LYPLA1: variants seen among roughly 807,000 people sequenced by gnomAD.
LYPLA1 encodes the protein acyl-protein thioesterase 1.
A neutral mutation model predicts 34.0 loss-of-function variants in LYPLA1; 17 were observed. That is an observed-to-expected ratio of 0.50 (90% CI 0.34 to 0.75). LYPLA1 has a LOEUF of 0.75. LYPLA1 is among the 30% of genes least tolerant of loss of function. The pLI is 0.01. For missense variants in LYPLA1, 203 were observed against 288.8 expected, an observed-to-expected ratio of 0.70 and a Z score of 2.15; for synonymous variants, 98 against 100.8, an observed-to-expected ratio of 0.97 and a Z score of 0.17.
chr8:54,077,280 G>T (rs1401737330), intron 2 of LYPLA1, among the ~76,000 whole-genome samples: 1 of 152,070 alleles, frequency 6.6e-6, no homozygotes, highest in East Asian at 1.9e-4. Flanking sequence ...TTGTAAGTAG[G>T]AGCTAAATAA....
chr8:54,065,940 G>C (rs1396399118), intron 2 of LYPLA1, 127 bp from the exon 3 acceptor site: 1 of 665,058 alleles, frequency 1.5e-6, no homozygotes, highest in African/African-American at 1.8e-5. Flanking sequence ...GTTTTTTTTT[G>C]TTTGTTTGTT....
intron 2 of LYPLA1, chr8:54,073,697 C>T (rs886906725): frequency 2.9e-5 from 10 of 345,908 alleles, no homozygotes; most frequent in South Asian, 1.5e-4. Flanking sequence ...ATAATGAATA[C>T]ATTTCCAAAA....
intron 8 of LYPLA1, 51 bp downstream of exon 8, chr8:54,050,961 A>T: frequency 6.6e-7 from 1 of 1,505,548 alleles, no homozygotes; most frequent in Non-Finnish European, 9.0e-7. Context: ...TGAAAATATC[A>T]CATGAAAAAA....
chr8:54,090,568 C>T lies in LYPLA1; in HGVS notation c.101+10340G>A, dbSNP rs1412998795. Among the ~76,000 whole-genome samples the T allele has an allele frequency of 2.0e-5, 3 of 152,194 alleles. No homozygotes were observed. The East Asian group carries it at 5.8e-4, about 29-fold the overall frequency. ...TAATCAAATGACCCTAAATCCCTCA[C>T]TAACCTACCCCCGCCCTCACTAAAC... is the stretch of plus-strand genomic sequence containing the variant. On this transcript the variant is annotated intron_variant, in intron 2 of 8. Coordinates refer to ENST00000316963, the MANE Select transcript of LYPLA1 (RefSeq NM_006330.4).
chr8:54,055,410 AT>A (rs1204403659), intron 5 of LYPLA1, among the ~76,000 whole-genome samples: 3 of 152,162 alleles, frequency 2.0e-5, no homozygotes, highest in Admixed American at 6.5e-5. Flanking sequence ...AACGGTCTCT[AT>A]AATGAAAACT....
At chr8:54,056,014 A>G (rs1806182826) in intron 5 of LYPLA1, among the ~76,000 whole-genome samples, 1 of 152,202 alleles carries the variant, frequency 6.6e-6, no homozygotes, top group African/African-American at 2.4e-5. Flanking sequence ...ATAAAACTAG[A>G]GGAATCACAT....
chr8:54,100,963 T>C lies in LYPLA1; in HGVS notation c.70-24A>G, dbSNP rs1350149734. 3.8e-6 allele frequency: 6 copies of C among 1,599,822 alleles called. No individual in the cohort carries two copies. In the Admixed American group the frequency reaches 5.0e-5, roughly 13 times the overall value. On this transcript the variant is annotated intron_variant, in intron 1 of 8. Transcript: ENST00000316963. ...ACCTATAAGAGAAGAGGAAAATTAATAAGCAATGCCTAAATAAGCCCACAC... is the reference window on the plus strand; with the variant it reads ...ACCTATAAGAGAAGAGGAAAATTAACAAGCAATGCCTAAATAAGCCCACAC...
chr8:54,050,775 A>G (rs1187663886), intron 8 of LYPLA1, among the ~76,000 whole-genome samples: 1 of 152,218 alleles, frequency 6.6e-6, no homozygotes, highest in Non-Finnish European at 1.5e-5. Flanking sequence ...CTTAAATTTT[A>G]ATGAAAGGGA....
chr8:54,045,203 G>C (rs1218790058), downstream of LYPLA1, among the ~76,000 whole-genome samples: 3 of 152,144 alleles, frequency 2.0e-5, no homozygotes, highest in Admixed American at 6.6e-5. Flanking sequence ...ATAGTGCCCA[G>C]CATATATTAA....
chr8:54,053,522 C>T, intron 6 of LYPLA1: 1 of 440,444 alleles, frequency 2.3e-6, no homozygotes, highest in Admixed American at 2.4e-5. Context: ...TGCCAGCATC[C>T]AGAAGCCCCA....
chr8:54,065,884 T>C, intron 2 of LYPLA1, 71 bp from the exon 3 acceptor site: 1 of 972,370 alleles, frequency 1.0e-6, no homozygotes, highest in East Asian at 2.4e-5. Flanking sequence ...AGCAGAAGAG[T>C]AGCTTTAAAA....
chr8:54,089,471 C>G (rs937186752), intron 2 of LYPLA1, among the ~76,000 whole-genome samples: 2 of 133,672 alleles, frequency 1.5e-5, no homozygotes, highest in African/African-American at 6.1e-5. Flanking sequence ...GTTTGGTACT[C>G]TCTGTGATTT....
Position 54,048,148 on chromosome 8 carries a change from G to A in LYPLA1, c.640-30C>T, listed in dbSNP as rs369501704. The A allele has an allele frequency of 2.5e-4, 349 of 1,404,230 alleles. 1 individual carries two copies. Among genetic ancestry groups the A allele is most frequent in the Middle Eastern group, 1.9e-3 (11 of 5,660 alleles). 87.0% of individuals were successfully genotyped at this position (1,404,230 alleles called of 1,614,324 possible). A position where few individuals can be genotyped will look rare whatever the true frequency, so the allele number is the denominator to read the frequency against. ...TTGGAATAAAGTAATTTAATAGGTA[G>A]GTAGTTATGTAAGTCAGAAATTAAA... On this transcript the variant is annotated intron_variant, in intron 8 of 8. Coordinates refer to ENST00000316963, the MANE Select transcript of LYPLA1 (RefSeq NM_006330.4).
At chr8:54,096,347 T>C (rs60183530) in intron 2 of LYPLA1, among the ~76,000 whole-genome samples, 50,738 of 152,028 alleles carry the variant, frequency 0.33, 11,339 homozygotes, top group East Asian at 0.74. Context: ...TGCCTGTAAT[T>C]CCAGGGAGGG....
intron 1 of LYPLA1, chr8:54,101,519 C>T: frequency 8.8e-7 from 1 of 1,137,762 alleles, no homozygotes. Context: ...CCCGGGGCCA[C>T]ACTTCCTCCG....
intron 2 of LYPLA1, among the ~76,000 whole-genome samples, chr8:54,090,330 A>G (rs542847767): frequency 1.2e-4 from 18 of 152,336 alleles, no homozygotes; most frequent in South Asian, 6.2e-4. Context: ...AGCTTTTGCT[A>G]CAACTGTTAC....
At chr8:54,077,844 AC>A (rs1808022204) in intron 2 of LYPLA1, among the ~76,000 whole-genome samples, 2 of 152,302 alleles carry the variant, frequency 1.3e-5, no homozygotes, top group South Asian at 4.1e-4. Context: ...ATGGGAGGGT[AC>A]TAACTCCAGG....
chr8:54,058,280 C>T (rs1563575457), intron 5 of LYPLA1, among the ~76,000 whole-genome samples: 1 of 152,186 alleles, frequency 6.6e-6, no homozygotes. Flanking sequence ...CAGTGGCTCA[C>T]GCCTGTAATC....
intron 2 of LYPLA1, among the ~76,000 whole-genome samples, chr8:54,099,190 G>A (rs1809921474): frequency 6.6e-6 from 1 of 151,834 alleles, no homozygotes; most frequent in Non-Finnish European, 1.5e-5. Flanking sequence ...CAAAGTTAGA[G>A]GATAGCAACC....
Sources: gnomAD v4.1 joint callset for allele counts (sites outside exome capture counted in the v4.1 genomes callset) on GRCh38, gnomAD v4.1.1 for gene constraint, MANE v1.5 for transcripts, NCBI Gene and HGNC (gene_info 2026-07-23, HGNC 2026-07-21) for gene names.